CREB3L2: variants seen among roughly 807,000 people sequenced by gnomAD.
CREB3L2 encodes cAMP responsive element binding protein 3 like 2.
CREB3L2 carries 23 observed loss-of-function variants against 57.2 expected under a neutral mutation model. That is an observed-to-expected ratio of 0.40 (90% CI 0.29 to 0.57). The LOEUF is 0.57. Among genes scored for constraint, CREB3L2 ranks in the 20% least tolerant of loss-of-function variants. The probability of loss-of-function intolerance (pLI) is 0.42; values close to 1 mark genes in which losing one functional copy is unlikely to be tolerated. For synonymous variants in CREB3L2, 268 were observed against 265.1 expected (o/e 1.01, Z -0.11); for missense variants, 628 against 634.7 (o/e 0.99, Z 0.11).
intron 10 of CREB3L2, chr7:137,884,471 A>G: frequency 5.7e-6 from 1 of 174,780 alleles, no homozygotes; most frequent in East Asian, 1.6e-4. Context: ...GATAGTCTCA[A>G]TCTCCTGACC....
chr7:137,991,605 G>C (rs543902996), intron 1 of CREB3L2, among the ~76,000 whole-genome samples: 116 of 152,184 alleles, frequency 7.6e-4, no homozygotes, highest in African/African-American at 2.6e-3. Context: ...ACTGTGATGA[G>C]TTCATAGATC....
rs770991560 is a variant in CREB3L2, at chr7:137,901,342, A to C, written c.1043+12T>G. 1 of 1,524,046 alleles carries C rather than the reference A, an allele frequency of 6.6e-7. No homozygotes were observed. The highest frequency in any genetic ancestry group is 9.1e-7 in the Non-Finnish European group (1 of 1,099,344). The allele number at this position is 1,524,046 out of a possible 1,614,324, so 94.4% of individuals were successfully genotyped here. ...TGGTAGCGCAATCAGCTCTCAGTCC[A>C]GTGACACTTACCTATTAGTGTTCTC... On this transcript the variant is annotated intron_variant, in intron 8 of 11. Transcript: ENST00000330387.
intron 1 of CREB3L2, chr7:137,953,328 C>T (rs1801138987): frequency 6.8e-6 from 3 of 438,462 alleles, no homozygotes; most frequent in East Asian, 7.1e-5. Context: ...TTAACTGCTA[C>T]TCCACATAAC....
chr7:137,956,231 C>T (rs368544744), intron 1 of CREB3L2, among the ~76,000 whole-genome samples: 11 of 152,220 alleles, frequency 7.2e-5, no homozygotes, highest in African/African-American at 1.7e-4. Flanking sequence ...AAGCACAAAC[C>T]GAGTGAGACG....
chr7:137,955,437 C>A, intron 1 of CREB3L2: 1 of 536,174 alleles, frequency 1.9e-6, no homozygotes, highest in African/African-American at 1.9e-5. Context: ...ACACGCCAAA[C>A]TTACACGTCC....
At chr7:137,930,984 T>C (rs1039725671) in intron 1 of CREB3L2, among the ~76,000 whole-genome samples, 9 of 147,308 alleles carry the variant, frequency 6.1e-5, no homozygotes, top group Non-Finnish European at 1.2e-4. Flanking sequence ...GTAATCTCAG[T>C]ACTTTGGGAG....
At chr7:137,896,371 G>A (rs1799628612) in intron 8 of CREB3L2, among the ~76,000 whole-genome samples, 1 of 151,818 alleles carries the variant, frequency 6.6e-6, no homozygotes, top group Non-Finnish European at 1.5e-5. Flanking sequence ...GCGTGATCTC[G>A]GCTCACCGTA....
chr7:137,918,797 G>A (rs1372269056), intron 2 of CREB3L2, among the ~76,000 whole-genome samples: 1 of 152,140 alleles, frequency 6.6e-6, no homozygotes, highest in Non-Finnish European at 1.5e-5. Context: ...GATAGAATCA[G>A]TTATTCCAAT....
intron 3 of CREB3L2, among the ~76,000 whole-genome samples, chr7:137,915,304 GTTA>G (rs968687651): frequency 6.6e-6 from 1 of 151,920 alleles, no homozygotes; most frequent in African/African-American, 2.4e-5. Context: ...AATAATAGGT[GTTA>G]TTATTACTAT....
chr7:137,970,398 A>G (rs533918896), intron 1 of CREB3L2, among the ~76,000 whole-genome samples: 1 of 152,198 alleles, frequency 6.6e-6, no homozygotes, highest in Non-Finnish European at 1.5e-5. Context: ...TGTGCCAAAA[A>G]CCACAGATAT....
At chr7:137,953,529 G>A in intron 1 of CREB3L2, 1 of 1,289,172 alleles carries the variant, frequency 7.8e-7, no homozygotes, top group South Asian at 1.2e-5. Context: ...GGAAAGGTAT[G>A]CGGGTTTGCA....
chr7:137,985,189 C>A (rs369295175), intron 1 of CREB3L2, among the ~76,000 whole-genome samples: 14 of 152,208 alleles, frequency 9.2e-5, no homozygotes, highest in Admixed American at 2.6e-4. Context: ...ACGCCAGAAT[C>A]TCCATATAAC....
Position 137,913,050 on chromosome 7 carries a change from G to A in CREB3L2, c.524C>T (p.Pro175Leu). 1 of 1,613,772 alleles carries A rather than the reference G, an allele frequency of 6.2e-7. No individual in the cohort carries two copies. Among genetic ancestry groups the A allele is most frequent in the Non-Finnish European group, 8.5e-7 (1 of 1,179,980 alleles). Reference sequence around the variant, plus strand: ...TTCATGAGGCTCCAGCTTAATTTTAGGAATAATGGTCTGGCACGAGGAATC... The same window carrying A: ...TTCATGAGGCTCCAGCTTAATTTTAAGAATAATGGTCTGGCACGAGGAATC... The part of the protein sequence containing the change: ...GVDSSCQTII[P>L]KIKLEPHEVD... Residue 175 changes from proline to leucine, a missense_variant, in exon 4 of 12, where the codon CCT becomes CTT. Physicochemically the swap from Pro to Leu is moderately conservative, Grantham distance 98. Coordinates refer to ENST00000330387, the MANE Select transcript of CREB3L2 (RefSeq NM_194071.4).
At chr7:137,934,310 G>A (rs1176709202) in intron 1 of CREB3L2, among the ~76,000 whole-genome samples, 1 of 152,120 alleles carries the variant, frequency 6.6e-6, no homozygotes, top group African/African-American at 2.4e-5. Context: ...CAATACAACT[G>A]TATGGAGAGG....
chr7:137,927,876 C>CA (rs773821825), intron 2 of CREB3L2, among the ~76,000 whole-genome samples: 9 of 151,798 alleles, frequency 5.9e-5, no homozygotes, highest in Non-Finnish European at 1.2e-4. Flanking sequence ...GCCTGATTTG[C>CA]AAAAGGCTGC....
At chr7:137,956,147 T>C (rs1190500793) in intron 1 of CREB3L2, among the ~76,000 whole-genome samples, 1 of 152,192 alleles carries the variant, frequency 6.6e-6, no homozygotes, top group Non-Finnish European at 1.5e-5. Flanking sequence ...AGACTTTGAA[T>C]CAGAGAAGAC....
In CREB3L2 at chr7:137,900,803, C is replaced by CA. The variant is rs1177441467; in HGVS notation, c.1043+550dup. Among the ~76,000 whole-genome samples, 15 of 149,080 alleles carry CA rather than the reference C, an allele frequency of 1.0e-4. No homozygotes were observed. In the South Asian group the frequency reaches 2.6e-3, roughly 25 times the overall value. The stretch of plus-strand genomic sequence containing the variant: ...TGGGCGACAGAGCAAGACTCCGTCT[C>CA]AAAAAAAAGAAAAAAAAAATACCAA... On this transcript the variant is annotated intron_variant, in intron 8 of 11. Transcript: ENST00000330387.
Position 137,877,645 on chromosome 7 carries a change from T to C in CREB3L2, c.*2831A>G. ...GGAAACTTGTTTACATGATGAAAAA[T>C]ATAATTAAGAGATTGACTCTTTATG... is the stretch of plus-strand genomic sequence containing the variant. On this transcript the variant is annotated 3_prime_UTR_variant, in exon 12 of 12. Coordinates refer to ENST00000330387, the MANE Select transcript of CREB3L2 (RefSeq NM_194071.4). The C allele has an allele frequency of 4.4e-6, 1 of 225,820 alleles. No homozygotes were observed. Among genetic ancestry groups the C allele is most frequent in the East Asian group, 6.4e-5 (1 of 15,562 alleles). 14.0% of individuals were successfully genotyped at this position (225,820 alleles called of 1,614,324 possible). A position where few individuals can be genotyped will look rare whatever the true frequency, so the allele number is the denominator to read the frequency against.
In CREB3L2 at chr7:137,879,001, T is replaced by C. The variant is rs1799220847; in HGVS notation, c.*1475A>G. 2.4e-6 allele frequency: 1 copy of C among 410,838 alleles called. No homozygotes were observed. The highest frequency in any genetic ancestry group is 2.3e-5 in the South Asian group (1 of 43,524). The allele number at this position is 410,838 out of a possible 1,614,324, so 25.4% of individuals were successfully genotyped here. ...AAACCAAAGGCATTTCAGCTGCTAA[T>C]AAAAATAAAATACAAACTCTATGCA... On this transcript the variant is annotated 3_prime_UTR_variant, in exon 12 of 12. Coordinates refer to ENST00000330387, the MANE Select transcript of CREB3L2 (RefSeq NM_194071.4).
Sources: gnomAD v4.1 joint callset for allele counts (sites outside exome capture counted in the v4.1 genomes callset) on GRCh38, gnomAD v4.1.1 for gene constraint, MANE v1.5 for transcripts, NCBI Gene and HGNC (gene_info 2026-07-23, HGNC 2026-07-21) for gene names.